The following ARSB variants were observed in gnomAD, a reference collection of about 807,000 sequenced individuals.
The protein encoded by ARSB is N-acetylgalactosamine-4-sulfatase.
A neutral mutation model predicts 50.9 loss-of-function variants in ARSB; 41 were observed. The ratio of observed to expected loss-of-function variants is 0.81; its 90% CI spans 0.63 to 1.04. ARSB has a LOEUF of 1.04. Among genes scored for constraint, ARSB ranks in the 50% least tolerant of loss-of-function variants. The pLI is 0.00. For synonymous variants in ARSB, 269 were observed against 284.8 expected (o/e 0.94, Z 0.56); for missense variants, 672 against 693.3 (o/e 0.97, Z 0.35).
intron 5 of ARSB, among the ~76,000 whole-genome samples, chr5:78,861,061 G>A (rs903037765): frequency 1.3e-5 from 2 of 152,156 alleles, no homozygotes; most frequent in African/African-American, 4.8e-5. Context: ...GACTAAACCA[G>A]GAAGAAGCTG....
chr5:78,940,102 A>G (rs1405667619), intron 4 of ARSB, among the ~76,000 whole-genome samples: 4 of 152,120 alleles, frequency 2.6e-5, no homozygotes, highest in Non-Finnish European at 5.9e-5. Context: ...GTCTGTTCAT[A>G]TCCTTCGCCC....
At chr5:78,868,784 A>C in intron 5 of ARSB, among the ~76,000 whole-genome samples, 1 of 142,878 alleles carries the variant, frequency 7.0e-6, no homozygotes, top group East Asian at 2.0e-4. Context: ...CTAACATCAT[A>C]ATGACAGGAT....
intron 5 of ARSB, among the ~76,000 whole-genome samples, chr5:78,849,735 C>A (rs78316486): frequency 0.55 from 70,084 of 127,392 alleles, 20,110 homozygotes; most frequent in African/African-American, 0.61. Context: ...CTTTTATTTC[C>A]TTGAGCAGTG....
intron 5 of ARSB, among the ~76,000 whole-genome samples, chr5:78,859,418 A>C (rs1191363264): frequency 6.6e-6 from 1 of 152,230 alleles, no homozygotes; most frequent in East Asian, 1.9e-4. Flanking sequence ...AATAATTGGT[A>C]GGACTTCTGG....
At chr5:78,822,701 G>T (rs1744282170) in intron 6 of ARSB, among the ~76,000 whole-genome samples, 1 of 152,130 alleles carries the variant, frequency 6.6e-6, no homozygotes, top group Admixed American at 6.5e-5. Flanking sequence ...GCAGTGGCGT[G>T]ATCTCGGCTT....
chr5:78,786,221 A>T (rs1749077201), intron 6 of ARSB, among the ~76,000 whole-genome samples: 1 of 152,194 alleles, frequency 6.6e-6, no homozygotes, highest in South Asian at 2.1e-4. Flanking sequence ...CCTATTCTGG[A>T]CATTTTATAT....
At chr5:78,943,666 TC>T (rs1751056531) in intron 4 of ARSB, among the ~76,000 whole-genome samples, 1 of 152,238 alleles carries the variant, frequency 6.6e-6, no homozygotes. Context: ...CTGATGGGCT[TC>T]CCTTTGTGGG....
At chr5:78,895,134 C>T (rs1290720630) in intron 4 of ARSB, among the ~76,000 whole-genome samples, 4 of 152,192 alleles carry the variant, frequency 2.6e-5, no homozygotes, top group African/African-American at 7.2e-5. Context: ...TAACTCAGGA[C>T]CTATTCAGTC....
intron 5 of ARSB, among the ~76,000 whole-genome samples, chr5:78,845,983 T>A (rs1177448030): frequency 6.6e-6 from 1 of 152,188 alleles, no homozygotes; most frequent in Non-Finnish European, 1.5e-5. Flanking sequence ...GCATTTCTCC[T>A]ATGTTTTCTT....
intron 6 of ARSB, among the ~76,000 whole-genome samples, chr5:78,830,796 G>A (rs1744635163): frequency 6.6e-6 from 1 of 152,178 alleles, no homozygotes; most frequent in Non-Finnish European, 1.5e-5. Flanking sequence ...TTGAGGGCAT[G>A]TAGCAACCCA....
intron 6 of ARSB, among the ~76,000 whole-genome samples, chr5:78,816,547 G>A (rs1744000168): frequency 6.6e-6 from 1 of 152,176 alleles, no homozygotes; most frequent in African/African-American, 2.4e-5. Context: ...TATGTTTGGT[G>A]GGAAAAGGAA....
chr5:78,927,359 T>C (rs1383191592), intron 4 of ARSB, among the ~76,000 whole-genome samples: 1 of 152,180 alleles, frequency 6.6e-6, no homozygotes, highest in Non-Finnish European at 1.5e-5. Context: ...TCAATAGCCA[T>C]GTATGACTAG....
intron 4 of ARSB, among the ~76,000 whole-genome samples, chr5:78,927,069 G>A (rs1750087639): frequency 2.0e-5 from 3 of 152,086 alleles, no homozygotes; most frequent in African/African-American, 7.2e-5. Flanking sequence ...TTTTTGTACA[G>A]ATGGGGTTTC....
At chr5:78,807,161 G>A (rs1204433541) in intron 6 of ARSB, among the ~76,000 whole-genome samples, 1 of 152,176 alleles carries the variant, frequency 6.6e-6, no homozygotes, top group Non-Finnish European at 1.5e-5. Flanking sequence ...TCTGAAAAAT[G>A]TTAAGCTACT....
intron 4 of ARSB, among the ~76,000 whole-genome samples, chr5:78,895,083 G>A (rs1166122782): frequency 6.6e-6 from 1 of 152,194 alleles, no homozygotes; most frequent in Non-Finnish European, 1.5e-5. Flanking sequence ...ATGCCCCTGA[G>A]TTACCACAAT....
At chr5:78,966,284 T>G (rs1318743482) in intron 2 of ARSB, among the ~76,000 whole-genome samples, 2 of 152,234 alleles carry the variant, frequency 1.3e-5, no homozygotes, top group East Asian at 3.8e-4. Context: ...ACATGAAGCT[T>G]TTCTTCATAA....
intron 1 of ARSB, among the ~76,000 whole-genome samples, chr5:78,974,501 G>C (rs541594690): frequency 6.6e-6 from 1 of 152,006 alleles, no homozygotes; most frequent in Non-Finnish European, 1.5e-5. Flanking sequence ...GAAAGCTGAG[G>C]GAAAGGAATC....
intron 4 of ARSB, among the ~76,000 whole-genome samples, chr5:78,937,058 C>G (rs1161666482): frequency 6.6e-6 from 1 of 151,732 alleles, no homozygotes; most frequent in African/African-American, 2.4e-5. Context: ...GCAGCCTGTC[C>G]AACATAACAT....
chr5:78,972,543 A>ACC (rs1554088563), intron 1 of ARSB, among the ~76,000 whole-genome samples: 47 of 150,416 alleles, frequency 3.1e-4, no homozygotes, highest in African/African-American at 9.3e-4. Flanking sequence ...ACACACACAC[A>ACC]CCCCAAATCA....
Sources: allele counts gnomAD v4.1 joint callset (sites outside exome capture counted in the v4.1 genomes callset), GRCh38; gene constraint gnomAD v4.1.1; transcripts MANE v1.5; gene names NCBI Gene and HGNC (gene_info 2026-07-23, HGNC 2026-07-21).